The following CNNM2 variants were observed in gnomAD, a reference collection of about 807,000 sequenced individuals.
CNNM2 encodes the protein metal transporter CNNM2.
In CNNM2, 12 loss-of-function variants were observed where a neutral mutation model predicts 66.9. The ratio of observed to expected loss-of-function variants is 0.18; its 90% confidence interval spans 0.11 to 0.29. CNNM2 has a LOEUF of 0.29. Among genes scored for constraint, CNNM2 ranks in the 10% least tolerant of loss-of-function variants. The pLI, the probability that CNNM2 is intolerant of heterozygous loss-of-function variation, is 1.00. For synonymous variants in CNNM2, 557 were observed against 501.8 expected, an observed-to-expected ratio of 1.11 and a Z score of -1.47; for missense variants, 705 against 1,167.7, an observed-to-expected ratio of 0.60 and a Z score of 5.77.
intron 4 of CNNM2, among the ~76,000 whole-genome samples, chr10:103,061,862 G>T (rs2065391360): frequency 7.3e-6 from 1 of 136,628 alleles, no homozygotes; most frequent in Non-Finnish European, 1.6e-5. Context: ...AATTGGGAAA[G>T]TAGTAAAAAA....
rs71019655 is a variant in CNNM2 at position 103,087,140 on chromosome 10, A to ATTTTTTTTTTTTTTTTTTTTTTT, written c.*9970_*9992dup. ...TTCTCACGGTATAAAACTCCGCAGG[A>ATTTTTTTTTTTTTTTTTTTTTTT]TTTTTTTTTTTTTTTTTTTTTTTTT... On this transcript the variant is annotated 3_prime_UTR_variant, in exon 8 of 8. Coordinates refer to ENST00000369878, the MANE Select transcript of CNNM2 (RefSeq NM_017649.5). 1.1e-4 allele frequency: 8 copies of ATTTTTTTTTTTTTTTTTTTTTTT among 75,380 alleles called. No individual in the cohort carries two copies. Among genetic ancestry groups the ATTTTTTTTTTTTTTTTTTTTTTT allele is most frequent in the Non-Finnish European group, 1.4e-4 (6 of 42,738 alleles). 4.7% of individuals were successfully genotyped at this position (75,380 alleles called of 1,614,324 possible). A position where few individuals can be genotyped will look rare whatever the true frequency, so the allele number is the denominator to read the frequency against.
chr10:103,006,549 GCCTTATATT>G (rs776105234), intron 1 of CNNM2, among the ~76,000 whole-genome samples: 1 of 152,118 alleles, frequency 6.6e-6, no homozygotes, highest in East Asian at 1.9e-4. Flanking sequence ...ATTGAAAAAG[GCCTTATATT>G]CCTAAATTTG....
Position 103,077,438 on chromosome 10 carries a change from A to C in CNNM2, c.*258A>C. On this transcript the variant is annotated 3_prime_UTR_variant, in exon 8 of 8. Coordinates refer to ENST00000369878, the MANE Select transcript of CNNM2 (RefSeq NM_017649.5). ...GAACTGATTCCGCCCAAATAGAATC[A>C]TGTTTATTTTTTCAGCTCTCCCTTT... 2.2e-6 allele frequency: 1 copy of C among 459,858 alleles called. No individual in the cohort carries two copies. Among genetic ancestry groups the C allele is most frequent in the Non-Finnish European group, 3.9e-6 (1 of 257,758 alleles). The allele number at this position is 459,858 out of a possible 1,614,324, so 28.5% of individuals were successfully genotyped here. A position where few individuals can be genotyped will look rare whatever the true frequency, so the allele number is the denominator to read the frequency against.
intron 1 of CNNM2, among the ~76,000 whole-genome samples, chr10:102,934,336 T>C (rs1423607711): frequency 2.0e-5 from 3 of 149,288 alleles, no homozygotes; most frequent in Non-Finnish European, 3.0e-5. Flanking sequence ...GTGCAAGTGC[T>C]GTGGTGCGAT....
intron 1 of CNNM2, among the ~76,000 whole-genome samples, chr10:103,027,710 T>C (rs527658132): frequency 2.3e-3 from 356 of 152,330 alleles, no homozygotes; most frequent in African/African-American, 7.5e-3. Flanking sequence ...TTTCTATAGA[T>C]ATTAAAAGGT....
intron 1 of CNNM2, among the ~76,000 whole-genome samples, chr10:103,002,479 CTT>C (rs34131768): frequency 2.4e-4 from 33 of 136,220 alleles, no homozygotes; most frequent in Admixed American, 4.5e-4. Flanking sequence ...AGACTGGAAT[CTT>C]TTTTTTTTTT....
Position 103,089,802 on chromosome 10 carries a change from T to TAGTC in CNNM2, c.*12626_*12629dup. On this transcript the variant is annotated 3_prime_UTR_variant, in exon 8 of 8. Coordinates refer to ENST00000369878, the MANE Select transcript of CNNM2 (RefSeq NM_017649.5). ...TGACCGTGTCAGCTGGTGCCGCTTG[T>TAGTC]AGTCAGTGTCTTTGAAATCCACTGA... is the stretch of plus-strand genomic sequence containing the variant. 4 of 1,614,110 alleles carry TAGTC rather than the reference T, an allele frequency of 2.5e-6. No individual in the cohort carries two copies. Among genetic ancestry groups the TAGTC allele is most frequent in the Non-Finnish European group, 3.4e-6 (4 of 1,179,998 alleles).
At chr10:102,992,886 T>G (rs1261915067) in intron 1 of CNNM2, among the ~76,000 whole-genome samples, 2 of 152,142 alleles carry the variant, frequency 1.3e-5, no homozygotes, top group African/African-American at 4.8e-5. Context: ...GCAGCCTCAC[T>G]AGGGTATCTG....
intron 1 of CNNM2, among the ~76,000 whole-genome samples, chr10:102,927,860 T>C (rs147268121): frequency 3.0e-4 from 45 of 152,306 alleles, no homozygotes; most frequent in African/African-American, 1.1e-3. Flanking sequence ...CTCCCTGTGT[T>C]ACATTAGTGC....
chr10:103,026,371 G>A (rs1432657902), intron 1 of CNNM2, among the ~76,000 whole-genome samples: 3 of 152,128 alleles, frequency 2.0e-5, no homozygotes, highest in Admixed American at 6.6e-5. Flanking sequence ...AGGCCAAGGC[G>A]GGTGGATCGC....
chr10:102,966,629 A>G (rs1242398329), intron 1 of CNNM2, among the ~76,000 whole-genome samples: 1 of 152,186 alleles, frequency 6.6e-6, no homozygotes, highest in Admixed American at 6.5e-5. Flanking sequence ...CTCCATCCCA[A>G]CCTAAAAGGA....
At chr10:103,052,818 G>T (rs534523373) in intron 2 of CNNM2, among the ~76,000 whole-genome samples, 1 of 152,152 alleles carries the variant, frequency 6.6e-6, no homozygotes, top group African/African-American at 2.4e-5. Flanking sequence ...CCGATTTCAG[G>T]TATATTCTTG....
chr10:103,089,975 C>T lies in CNNM2; in HGVS notation c.*12795C>T. 7.6e-7 allele frequency: 1 copy of T among 1,318,658 alleles called. No homozygotes were observed. Among genetic ancestry groups the T allele is most frequent in the Non-Finnish European group, 1.0e-6 (1 of 962,440 alleles). 81.7% of individuals were successfully genotyped at this position (1,318,658 alleles called of 1,614,324 possible). ...AAAGTAGCTACTCCCCAAATCCTAA[C>T]CCCTCTCCTCTGTTAGGTGGCCATG... On this transcript the variant is annotated 3_prime_UTR_variant, in exon 8 of 8. Coordinates refer to ENST00000369878, the MANE Select transcript of CNNM2 (RefSeq NM_017649.5).
chr10:102,977,419 C>T (rs141815973), intron 1 of CNNM2, among the ~76,000 whole-genome samples: 1 of 152,156 alleles, frequency 6.6e-6, no homozygotes, highest in Non-Finnish European at 1.5e-5. Context: ...TTGGGATACT[C>T]AACCTGTATT....
rs369230465 is a variant in CNNM2 at position 102,919,965 on chromosome 10, G to C, written c.1485G>C (p.Leu495=). 1.9e-5 allele frequency: 31 copies of C among 1,614,234 alleles called. No homozygotes were observed. The African/African-American group carries it at 3.1e-4, about 16-fold the overall frequency. The change falls in exon 1 of 8, where the codon CTG becomes CTC. Residue 495 remains leucine, a synonymous_variant. Transcript: ENST00000369878. ...EGERSNIVDL[L]FVKDLAFVDP... is the part of the protein sequence containing the mutation. ...AGCGCTCCAATATCGTGGACCTGCTGTTTGTCAAAGACTTGGCCTTCGTGG... is the reference window on the plus strand; with the variant it reads ...AGCGCTCCAATATCGTGGACCTGCTCTTTGTCAAAGACTTGGCCTTCGTGG...
At chr10:102,928,797 C>T (rs1336719779) in intron 1 of CNNM2, among the ~76,000 whole-genome samples, 1 of 152,082 alleles carries the variant, frequency 6.6e-6, no homozygotes, top group Non-Finnish European at 1.5e-5. Flanking sequence ...CCCAAAGGCC[C>T]CACCTCTTAA....
At chr10:102,953,423 A>AT (rs1473413931) in intron 1 of CNNM2, among the ~76,000 whole-genome samples, 2 of 151,940 alleles carry the variant, frequency 1.3e-5, no homozygotes, top group Non-Finnish European at 2.9e-5. Flanking sequence ...CACCTGGCTA[A>AT]TTTTTTTGTA....
At chr10:102,939,997 C>CA (rs1168618488) in intron 1 of CNNM2, among the ~76,000 whole-genome samples, 3 of 141,134 alleles carry the variant, frequency 2.1e-5, no homozygotes, top group South Asian at 4.5e-4. Flanking sequence ...ACAACAACAA[C>CA]AACAAAAAAA....
At chr10:103,008,917 G>A (rs2064281595) in intron 1 of CNNM2, among the ~76,000 whole-genome samples, 3 of 151,976 alleles carry the variant, frequency 2.0e-5, no homozygotes, top group Non-Finnish European at 4.4e-5. Flanking sequence ...TATAATATGA[G>A]CTAAATGCCT....
Sources: allele counts gnomAD v4.1 joint callset (sites outside exome capture counted in the v4.1 genomes callset), GRCh38; gene constraint gnomAD v4.1.1; transcripts MANE v1.5; gene names NCBI Gene and HGNC (gene_info 2026-07-23, HGNC 2026-07-21).